The following RPS18 variants were observed in gnomAD, a reference collection of about 807,000 sequenced individuals.
The protein encoded by RPS18 is small ribosomal subunit protein uS13.
For synonymous variants in RPS18, 64 were observed against 70.9 expected, an observed-to-expected ratio of 0.90 and a Z score of 0.49; for missense variants, 49 against 200.8, an observed-to-expected ratio of 0.24 and a Z score of 4.57.
At chr6:33,275,438 C>T (rs535120328) in intron 2 of RPS18, 3 of 268,162 alleles carry the variant, frequency 1.1e-5, no homozygotes, top group African/African-American at 2.3e-5. Context: ...GCTGCAGCCT[C>T]CCAAGTAGCT....
intron 2 of RPS18, chr6:33,275,424 T>C (rs945625434): frequency 8.1e-6 from 2 of 246,870 alleles, no homozygotes; most frequent in African/African-American, 4.6e-5. Flanking sequence ...GTTCAAGCTA[T>C]TCTGCTGCAG....
chr6:33,273,382 C>CT (rs901501091), intron 2 of RPS18, among the ~76,000 whole-genome samples: 28 of 151,556 alleles, frequency 1.8e-4, no homozygotes, highest in South Asian at 4.2e-4. Flanking sequence ...ACATAACGTT[C>CT]TTTTTTTTTC....
Position 33,272,631 on chromosome 6 carries a change from C to G in RPS18, c.7C>G (p.Leu3Val). ...TCCCCCGTACTTTTTCAACTAGTCT[C>G]TAGTGATCCCTGAAAAGTTCCAGCA... The part of the protein sequence containing the change: MS[L>V]VIPEKFQHIL... Residue 3 changes from leucine to valine, a missense_variant, in exon 2 of 6, where the codon CTA becomes GTA. Transcript: ENST00000439602. 1 of 1,413,436 alleles carries G rather than the reference C, an allele frequency of 7.1e-7. No individual in the cohort carries two copies. Among genetic ancestry groups the G allele is most frequent in the Non-Finnish European group, 1.0e-6 (1 of 996,582 alleles). The allele number at this position is 1,413,436 out of a possible 1,614,324, so 87.6% of individuals were successfully genotyped here.
At chr6:33,274,106 T>G (rs1246364592) in intron 2 of RPS18, among the ~76,000 whole-genome samples, 2 of 152,166 alleles carry the variant, frequency 1.3e-5, no homozygotes, top group Non-Finnish European at 2.9e-5. Context: ...TTAGAAGAGA[T>G]GGGGTTTCAC....
intron 2 of RPS18, 103 bp from the exon 3 acceptor site, chr6:33,275,694 T>C: frequency 1.2e-6 from 1 of 810,912 alleles, no homozygotes; most frequent in Non-Finnish European, 2.2e-6. Flanking sequence ...GATTGCAAAA[T>C]AGATTATTGC....
intron 2 of RPS18, among the ~76,000 whole-genome samples, chr6:33,274,700 T>C (rs572967189): frequency 6.6e-6 from 1 of 152,144 alleles, no homozygotes; most frequent in South Asian, 2.1e-4. Flanking sequence ...TGTCATCTCA[T>C]GGTCCTCTTC....
rs374725351 is a variant in RPS18, at chr6:33,272,112, C to T, written c.-8C>T. On this transcript the variant is annotated 5_prime_UTR_variant, in exon 1 of 6. Coordinates refer to ENST00000439602, the MANE Select transcript of RPS18 (RefSeq NM_022551.3). ...GGAGGCCTACACGCCGCCGCTTGTG[C>T]TGCAGCCATGGTAAGACTGGAATCC... 2.8e-5 allele frequency: 44 copies of T among 1,568,218 alleles called. No individual in the cohort carries two copies. The highest frequency in any genetic ancestry group is 2.2e-4 in the African/African-American group (16 of 73,984).
intron 2 of RPS18, among the ~76,000 whole-genome samples, chr6:33,273,040 A>T (rs1323593819): frequency 6.6e-6 from 1 of 152,182 alleles, no homozygotes; most frequent in Non-Finnish European, 1.5e-5. Flanking sequence ...TTTCTTCTAG[A>T]TTCGGTTTCT....
intron 5 of RPS18, 47 bp from the exon 6 acceptor site, chr6:33,276,344 T>C: frequency 6.2e-7 from 1 of 1,609,172 alleles, no homozygotes; most frequent in African/African-American, 1.3e-5. Flanking sequence ...CCCCAACCTT[T>C]TGTTTCTGCT....
intron 2 of RPS18, among the ~76,000 whole-genome samples, chr6:33,273,794 G>A (rs1765442848): frequency 6.6e-6 from 1 of 152,090 alleles, no homozygotes; most frequent in African/African-American, 2.4e-5. Flanking sequence ...AATTAAATTT[G>A]AGGCTTAGTG....
chr6:33,272,148 C>G, intron 1 of RPS18, 26 bp downstream of exon 1: 2 of 1,558,118 alleles, frequency 1.3e-6, no homozygotes, highest in South Asian at 1.2e-5. Context: ...GTGCCGTGAT[C>G]CAGCGGCATC....
At chr6:33,275,180 C>G (rs1462387448) in intron 2 of RPS18, 1 of 154,308 alleles carries the variant, frequency 6.5e-6, no homozygotes, top group Non-Finnish European at 1.5e-5. Context: ...CCTTGTTCTC[C>G]TAAATGCAAG....
chr6:33,272,461 G>A (rs1765273926), intron 1 of RPS18, 167 bp from the exon 2 acceptor site: 1 of 672,120 alleles, frequency 1.5e-6, no homozygotes, highest in Non-Finnish European at 2.7e-6. Flanking sequence ...TACTCTGCAG[G>A]ACTGAGGAGT....
chr6:33,276,205 C>G lies in RPS18; in HGVS notation c.321C>G (p.Leu107=). The part of the protein sequence containing the change: ...QVLANGLDNK[L]REDLERLKKI... The stretch of plus-strand genomic sequence containing the variant: ...TAGCCAATGGTCTGGACAACAAGCT[C>G]CGTGAAGACCTGGAGCGACTGAAGA... Residue 107 remains leucine, a synonymous_variant, in exon 5 of 6, where the codon CTC becomes CTG. Transcript: ENST00000439602. The G allele has an allele frequency of 6.2e-7, 1 of 1,614,144 alleles. No homozygotes were observed. Among genetic ancestry groups the G allele is most frequent in the Non-Finnish European group, 8.5e-7 (1 of 1,180,018 alleles).
Position 33,276,397 on chromosome 6 carries a change from T to A in RPS18, c.390T>A (p.Arg130=). 6.2e-7 allele frequency: 1 copy of A among 1,614,070 alleles called. No individual in the cohort carries two copies. Among genetic ancestry groups the A allele is most frequent in the Non-Finnish European group, 8.5e-7 (1 of 1,179,952 alleles). ...HRGLRHFWGL[R]VRGQHTKTTG... is the part of the protein sequence containing the mutation. ...CTTCTCTTTTTACCTGCAGCCTTCG[T>A]GTCCGAGGCCAGCACACCAAGACCA... The change falls in exon 6 of 6, where the codon CGT becomes CGA. Residue 130 remains arginine, a synonymous_variant. Transcript: ENST00000439602.
chr6:33,272,199 A>T, intron 1 of RPS18, 77 bp downstream of exon 1: 1 of 1,507,604 alleles, frequency 6.6e-7, no homozygotes, highest in Non-Finnish European at 9.0e-7. Context: ...GGTTCTGGAA[A>T]CGTCCTGCCC....
intron 1 of RPS18, chr6:33,272,389 C>T (rs1381127036): frequency 3.3e-6 from 2 of 605,110 alleles, no homozygotes; most frequent in African/African-American, 1.8e-5. Context: ...TGGGAATGGG[C>T]AGGAGACCTG....
intron 2 of RPS18, among the ~76,000 whole-genome samples, chr6:33,274,744 G>A (rs1455923164): frequency 6.6e-6 from 1 of 152,086 alleles, no homozygotes; most frequent in East Asian, 1.9e-4. Context: ...TGGATCTAGA[G>A]CCCACCCTAA....
chr6:33,272,207 C>T (rs28362657), intron 1 of RPS18, 85 bp downstream of exon 1: 32,369 of 1,439,546 alleles, frequency 0.022, 635 homozygotes, highest in African/African-American at 0.088. Context: ...AAACGTCCTG[C>T]CCTGAGGGCC....
Sources: gnomAD v4.1 joint callset for allele counts (sites outside exome capture counted in the v4.1 genomes callset) on GRCh38, gnomAD v4.1.1 for gene constraint, MANE v1.5 for transcripts, NCBI Gene and HGNC (gene_info 2026-07-23, HGNC 2026-07-21) for gene names.